ZMYND11: variants seen among roughly 807,000 people sequenced by gnomAD.
The protein encoded by ZMYND11 is zinc finger MYND-type containing 11, also known as zinc finger MYND domain-containing protein 11.
A neutral mutation model predicts 84.9 loss-of-function variants in ZMYND11; 9 were observed. The observed-to-expected ratio is 0.11, with a 90% confidence interval of 0.06 to 0.18. The LOEUF is 0.18. ZMYND11 is among the 10% of genes least tolerant of loss of function. The pLI is 1.00. For synonymous variants in ZMYND11, 250 were observed against 244.1 expected (o/e 1.02, Z -0.23); for missense variants, 409 against 761.0 (o/e 0.54, Z 5.44).
chr10:181,084 G>A (rs1030006510), intron 2 of ZMYND11, among the ~76,000 whole-genome samples: 2 of 151,754 alleles, frequency 1.3e-5, no homozygotes, highest in Non-Finnish European at 2.9e-5. Flanking sequence ...TGTTTCTCTG[G>A]GTATTCTTAA....
chr10:132,844 C>T (rs540522670), upstream of ZMYND11, among the ~76,000 whole-genome samples: 3 of 152,218 alleles, frequency 2.0e-5, no homozygotes, highest in Non-Finnish European at 2.9e-5. Context: ...GACAGCTCCC[C>T]GACAGCTCTG....
At chr10:208,868 C>G (rs1455605306) in intron 2 of ZMYND11, among the ~76,000 whole-genome samples, 1 of 152,154 alleles carries the variant, frequency 6.6e-6, no homozygotes, top group African/African-American at 2.4e-5. Context: ...CCCCTGACTT[C>G]TAGCGTGGAA....
At chr10:207,181 T>C (rs1323774243) in intron 2 of ZMYND11, among the ~76,000 whole-genome samples, 1 of 152,254 alleles carries the variant, frequency 6.6e-6, no homozygotes, top group Non-Finnish European at 1.5e-5. Context: ...TCATTTTTTA[T>C]GGCTGCATAG....
chr10:153,965 C>A (rs1302522512), intron 1 of ZMYND11, among the ~76,000 whole-genome samples: 3 of 152,236 alleles, frequency 2.0e-5, no homozygotes, highest in African/African-American at 7.2e-5. Flanking sequence ...ACAGCCAGCA[C>A]TAGCCAAGAA....
intron 7 of ZMYND11, 93 bp from the exon 8 acceptor site, chr10:239,963 G>A: frequency 9.5e-7 from 1 of 1,055,162 alleles, no homozygotes; most frequent in Non-Finnish European, 1.4e-6. Context: ...AATGGTAGAT[G>A]TCTACTTTTG....
intron 1 of ZMYND11, among the ~76,000 whole-genome samples, chr10:173,244 G>A (rs1312584099): frequency 6.6e-6 from 1 of 152,194 alleles, no homozygotes; most frequent in Non-Finnish European, 1.5e-5. Flanking sequence ...GAATTGATAA[G>A]CTGGACTTCG....
chr10:152,272 A>G (rs1840564140), intron 1 of ZMYND11, among the ~76,000 whole-genome samples: 1 of 152,224 alleles, frequency 6.6e-6, no homozygotes, highest in African/African-American at 2.4e-5. Context: ...CAGACTGGCA[A>G]ATTGGATAAA....
At chr10:131,480 C>T (rs1835311567), upstream of ZMYND11, among the ~76,000 whole-genome samples, 2 of 152,152 alleles carry the variant, frequency 1.3e-5, no homozygotes, top group South Asian at 4.1e-4. Flanking sequence ...AAAGCTGCCA[C>T]TTAAGTATTG....
chr10:205,159 G>C (rs908011542), intron 2 of ZMYND11, among the ~76,000 whole-genome samples: 2 of 152,036 alleles, frequency 1.3e-5, no homozygotes, highest in African/African-American at 4.8e-5. Flanking sequence ...TTATTTCTTT[G>C]GAAATTGGCC....
intron 4 of ZMYND11, among the ~76,000 whole-genome samples, chr10:221,899 T>G (rs1238233093): frequency 6.6e-6 from 1 of 152,132 alleles, no homozygotes; most frequent in Admixed American, 6.5e-5. Flanking sequence ...TAAAGTAAAA[T>G]GAAATTGCCC....
intron 1 of ZMYND11, among the ~76,000 whole-genome samples, chr10:176,643 GT>G (rs1341816878): frequency 4.6e-5 from 7 of 152,044 alleles, no homozygotes; most frequent in African/African-American, 1.7e-4. Flanking sequence ...AAATACTTTT[GT>G]ACAAAAGCAA....
intron 2 of ZMYND11, among the ~76,000 whole-genome samples, chr10:196,954 A>T (rs550111140): frequency 6.6e-6 from 1 of 152,276 alleles, no homozygotes; most frequent in South Asian, 2.1e-4. Flanking sequence ...GAGTGCTTTT[A>T]GTTCACGTGT....
chr10:195,389 A>T (rs908151883), intron 2 of ZMYND11, among the ~76,000 whole-genome samples: 1 of 152,196 alleles, frequency 6.6e-6, no homozygotes, highest in Non-Finnish European at 1.5e-5. Context: ...AATAAAAATA[A>T]TGTTCAAGTT....
intron 1 of ZMYND11, among the ~76,000 whole-genome samples, chr10:137,370 C>T (rs1328943960): frequency 6.6e-6 from 1 of 152,104 alleles, no homozygotes; most frequent in Non-Finnish European, 1.5e-5. Context: ...GCCCTTGGTC[C>T]TCCTCACTTA....
chr10:189,014 T>C (rs1186643231), intron 2 of ZMYND11, among the ~76,000 whole-genome samples: 1 of 152,220 alleles, frequency 6.6e-6, no homozygotes, highest in Non-Finnish European at 1.5e-5. Flanking sequence ...AGTAGTATGA[T>C]TAAACTAGCA....
At chr10:210,739 T>C (rs1945074135) in intron 3 of ZMYND11, among the ~76,000 whole-genome samples, 1 of 152,260 alleles carries the variant, frequency 6.6e-6, no homozygotes, top group African/African-American at 2.4e-5. Flanking sequence ...ATTTTTTTCT[T>C]ACGTAAAGAT....
chr10:155,506 G>A lies in ZMYND11; in HGVS notation c.-20+19947G>A, dbSNP rs538333581. Among the ~76,000 whole-genome samples the A allele has an allele frequency of 8.2e-4, 124 of 151,640 alleles. 1 individual carries two copies. Among genetic ancestry groups the A allele is most frequent in the Non-Finnish European group, 4.9e-4 (33 of 67,892 alleles). ...TCTACCAAAACAGCAACAACAATGA[G>A]AAACAAAAAAAGGAATTTTGAAGAA... On this transcript the variant is annotated intron_variant, in intron 1 of 14. Coordinates refer to ENST00000381604, the MANE Select transcript of ZMYND11 (RefSeq NM_001370100.5).
At chr10:150,827 C>T (rs1840157916) in intron 1 of ZMYND11, among the ~76,000 whole-genome samples, 1 of 152,224 alleles carries the variant, frequency 6.6e-6, no homozygotes, top group Non-Finnish European at 1.5e-5. Context: ...AACTGGGAGG[C>T]ACCCCCCAGC....
chr10:165,370 G>T (rs539077828), intron 1 of ZMYND11, among the ~76,000 whole-genome samples: 1 of 151,924 alleles, frequency 6.6e-6, no homozygotes, highest in Non-Finnish European at 1.5e-5. Context: ...TTCTCTCCTG[G>T]GGCAGTCTAA....
Sources: allele counts gnomAD v4.1 joint callset (sites outside exome capture counted in the v4.1 genomes callset), GRCh38; gene constraint gnomAD v4.1.1; transcripts MANE v1.5; gene names NCBI Gene and HGNC (gene_info 2026-07-23, HGNC 2026-07-21).